Variants in TOP3B observed in about 807,000 individuals in gnomAD.
The protein encoded by TOP3B is DNA topoisomerase 3-beta-1.
TOP3B carries 45 observed loss-of-function variants against 93.9 expected under a neutral mutation model. The ratio of observed to expected loss-of-function variants is 0.48; its 90% CI spans 0.38 to 0.61. TOP3B has a LOEUF of 0.61. Among genes scored for constraint, TOP3B ranks in the 20% least tolerant of loss-of-function variants. The pLI, the probability that TOP3B is intolerant of heterozygous loss-of-function variation, is 0.00. For missense variants in TOP3B, 750 were observed against 1,156.1 expected, an observed-to-expected ratio of 0.65 and a Z score of 5.09; for synonymous variants, 357 against 472.6, an observed-to-expected ratio of 0.76 and a Z score of 3.17.
intron 14 of TOP3B, 68 bp from the exon 15 acceptor site, chr22:21,959,804 G>C: frequency 6.4e-7 from 1 of 1,570,474 alleles, no homozygotes; most frequent in African/African-American, 1.3e-5. Context: ...CCCCTTCCCA[G>C]GCAGGGATAC....
rs372970833 is a variant in TOP3B at position 21,959,599 on chromosome 22, C to T, written c.1792G>A (p.Asp598Asn). The change falls in exon 15 of 18, where the codon GAC becomes AAC. Residue 598 changes from aspartate (D) to asparagine (N), a missense_variant. This residue lies in a region of TOP3B where 737 missense variants were observed against 933.7 expected (regional missense o/e 0.79). Transcript: ENST00000357179. ...AGGCAGACTCTACCAGCAATGGAGT[C>T]GACAAAGTAGTGGAACTTCCTCTTG... Reference protein sequence around the residue: ...VFKRKFHYFVDSIAGMDELME... With the variant: ...VFKRKFHYFVNSIAGMDELME... 23 of 1,611,064 alleles carry T rather than the reference C, an allele frequency of 1.4e-5. No individual in the cohort carries two copies. Among genetic ancestry groups the T allele is most frequent in the Middle Eastern group, 3.3e-4 (2 of 6,068 alleles).
At chr22:21,972,167 A>G (rs752074650) in intron 4 of TOP3B, 13 of 551,688 alleles carry the variant, frequency 2.4e-5, no homozygotes, top group East Asian at 1.5e-4. Context: ...ACCAAAAAAA[A>G]AAGTATAAAT....
Position 21,970,131 on chromosome 22 carries a change from G to A in TOP3B, c.581+79C>T, listed in dbSNP as rs564813311. ...TGGCTCGAGGAGGCCTAGGGGCCCC[G>A]GAGGGGGACCAGTAGAGGCAGGTCT... On this transcript the variant is annotated intron_variant, in intron 6 of 17. Coordinates refer to ENST00000357179, the MANE Select transcript of TOP3B (RefSeq NM_001282112.2). The surrounding 1 kb of genome is among the most constrained non-coding windows in gnomAD (Gnocchi z 4.4). 2.7e-5 allele frequency: 42 copies of A among 1,542,916 alleles called. No individual in the cohort carries two copies. The highest frequency in any genetic ancestry group is 2.2e-4 in the African/African-American group (16 of 73,814).
intron 13 of TOP3B, 114 bp from the exon 14 acceptor site, chr22:21,960,563 G>A (rs75669351): frequency 6.3e-6 from 9 of 1,423,506 alleles, no homozygotes; most frequent in East Asian, 2.4e-5. Context: ...CACTGCTCCC[G>A]GTCACAGGAG....
Position 21,972,648 on chromosome 22 carries a change from T to C in TOP3B, c.273A>G (p.Glu91=). 1 of 1,611,844 alleles carries C rather than the reference T, an allele frequency of 6.2e-7. No individual in the cohort carries two copies. Among genetic ancestry groups the C allele is most frequent in the Non-Finnish European group, 8.5e-7 (1 of 1,179,398 alleles). The change falls in exon 4 of 18, where the codon GAA becomes GAG. Residue 91 remains glutamate, a synonymous_variant. Coordinates refer to ENST00000357179, the MANE Select transcript of TOP3B (RefSeq NM_001282112.2). ...LFSQAPTEKK[E]ANPKLNMVKF... ...TCACCATGTTCAGCTTGGGGTTAGC[T>C]TCTTTCTTCTCCGTGGGAGCTTGGC...
chr22:21,970,316 CTG>C lies in TOP3B; in HGVS notation c.473_474del (p.Thr158ArgfsTer4). 1 of 1,614,114 alleles carries C rather than the reference CTG, an allele frequency of 6.2e-7. No homozygotes were observed. Among genetic ancestry groups the C allele is most frequent in the Non-Finnish European group, 8.5e-7 (1 of 1,180,010 alleles). Reference protein sequence around the residue: ...FRARFSSITDTDICNAMACLG... With the variant: ...FRARFSSITDXDICNAMACLG... ...AGGCAGGCCATGGCATTACAGATGT[CTG>C]TGTCCGTGATGGAGCTAAACCTGGC... On this transcript the variant is annotated frameshift_variant, in exon 6 of 18. Coordinates refer to ENST00000357179, the MANE Select transcript of TOP3B (RefSeq NM_001282112.2). LOFTEE classifies it high-confidence loss of function. The surrounding 1 kb of genome is among the most constrained non-coding windows in gnomAD (Gnocchi z 4.4).
Position 21,963,800 on chromosome 22 carries a change from C to G in TOP3B, c.1204+123G>C, listed in dbSNP as rs1255445703. 3.0e-6 allele frequency: 3 copies of G among 1,014,654 alleles called. No individual in the cohort carries two copies. The highest frequency in any genetic ancestry group is 4.4e-6 in the Non-Finnish European group (3 of 685,026). 62.9% of individuals were successfully genotyped at this position (1,014,654 alleles called of 1,614,324 possible). A position where few individuals can be genotyped will look rare whatever the true frequency, so the allele number is the denominator to read the frequency against. On this transcript the variant is annotated intron_variant, in intron 11 of 17. Transcript: ENST00000357179. This position sits in a 1 kb window ranked among gnomAD's most constrained non-coding sequence, Gnocchi z 4.8. Reference sequence around the variant, plus strand: ...TCATCTTCCAGGTGGCCCCCCATCCCCACAGCCAGGGCAGGCAGAGGCTGA... The same window carrying G: ...TCATCTTCCAGGTGGCCCCCCATCCGCACAGCCAGGGCAGGCAGAGGCTGA...
At chr22:21,980,980 G>T (rs1303912932) in intron 1 of TOP3B, among the ~76,000 whole-genome samples, 1 of 152,220 alleles carries the variant, frequency 6.6e-6, no homozygotes, top group Non-Finnish European at 1.5e-5. Flanking sequence ...CAAAATCAGA[G>T]GCCCAGAAGT....
rs1457593205 is a variant in TOP3B at position 21,965,384 on chromosome 22, C to T, written c.853-9G>A. On this transcript the variant is annotated splice_polypyrimidine_tract_variant and intron_variant, in intron 8 of 17. Coordinates refer to ENST00000357179, the MANE Select transcript of TOP3B (RefSeq NM_001282112.2). ...CTGCTTGTGGCCTCCACCTGGAAGACAGGACAGTCAATGATTTGGGGAAGG... is the reference window on the plus strand; with the variant it reads ...CTGCTTGTGGCCTCCACCTGGAAGATAGGACAGTCAATGATTTGGGGAAGG... 5 of 1,589,200 alleles carry T rather than the reference C, an allele frequency of 3.1e-6. No homozygotes were observed. Among genetic ancestry groups the T allele is most frequent in the Non-Finnish European group, 3.4e-6 (4 of 1,165,560 alleles).
At position 21,970,214 on chromosome 22, in the gene TOP3B, T is replaced by G. The variant is rs773149733; in HGVS notation, c.577A>C (p.Thr193Pro). 1.9e-6 allele frequency: 3 copies of G among 1,610,610 alleles called. No homozygotes were observed. The change falls in exon 6 of 18, where the codon ACC (threonine) becomes CCC (proline). Residue 193 changes from threonine (T) to proline (P), a missense_variant. Coordinates refer to ENST00000357179, the MANE Select transcript of TOP3B (RefSeq NM_001282112.2). This position sits in a 1 kb window ranked among gnomAD's most constrained non-coding sequence, Gnocchi z 4.4. ...CTCTGCGGGTGTGGCCAGCACCTGG[T>G]GAATGCACAGCCGATTCGCAGGTCC... ...ELDLRIGCAF[T>P]RFQTKYFQGK...
Position 21,957,814 on chromosome 22 carries a change from G to A in TOP3B, c.2108-219C>T, listed in dbSNP as rs2070985261. ...ACCTCCTCAACTTTCAAGGCCCCTC[G>A]CTGGCACCATCCCAGTGGGTTTCAG... On this transcript the variant is annotated intron_variant, in intron 17 of 17. Coordinates refer to ENST00000357179, the MANE Select transcript of TOP3B (RefSeq NM_001282112.2). 54 of 1,532,608 alleles carry A rather than the reference G, an allele frequency of 3.5e-5. 1 individual carries two copies. Among genetic ancestry groups the A allele is most frequent in the South Asian group, 2.9e-4 (24 of 83,160 alleles). The allele number at this position is 1,532,608 out of a possible 1,614,324, so 94.9% of individuals were successfully genotyped here.
Position 21,970,850 on chromosome 22 carries a change from A to G in TOP3B, c.385-444T>C. On this transcript the variant is annotated intron_variant, in intron 5 of 17. Transcript: ENST00000357179. This position sits in a 1 kb window ranked among gnomAD's most constrained non-coding sequence, Gnocchi z 4.4. ...GTGGAAATTTTAAGAGGCTGAAGAAAAGACAGGGAAGGAAAAAAGAATGAA... is the reference window on the plus strand; with the variant it reads ...GTGGAAATTTTAAGAGGCTGAAGAAGAGACAGGGAAGGAAAAAAGAATGAA... 1 of 418,088 alleles carries G rather than the reference A, an allele frequency of 2.4e-6. No homozygotes were observed. 25.9% of individuals were successfully genotyped at this position (418,088 alleles called of 1,614,324 possible). A position where few individuals can be genotyped will look rare whatever the true frequency, so the allele number is the denominator to read the frequency against.
At position 21,970,944 on chromosome 22, in the gene TOP3B, C is replaced by A; in HGVS notation, c.385-538G>T. The A allele has an allele frequency of 3.4e-6, 4 of 1,169,818 alleles. No individual in the cohort carries two copies. Among genetic ancestry groups the A allele is most frequent in the Non-Finnish European group, 4.3e-6 (4 of 920,606 alleles). 72.5% of individuals were successfully genotyped at this position (1,169,818 alleles called of 1,614,324 possible). A position where few individuals can be genotyped will look rare whatever the true frequency, so the allele number is the denominator to read the frequency against. On this transcript the variant is annotated intron_variant, in intron 5 of 17. Transcript: ENST00000357179. The surrounding 1 kb of genome is among the most constrained non-coding windows in gnomAD (Gnocchi z 4.4). ...TAGCTTGTGGTGGGGGCAGCTCGGG[C>A]TAAAGCACAGCAGGGGTCCTGGAGC... is the stretch of plus-strand genomic sequence containing the variant.
intron 14 of TOP3B, 152 bp downstream of exon 14, chr22:21,960,169 G>T: frequency 8.4e-7 from 1 of 1,192,644 alleles, no homozygotes; most frequent in Non-Finnish European, 1.2e-6. Flanking sequence ...GGGTCCTGGG[G>T]CAGCACCCCT....
chr22:21,972,273 G>T, intron 4 of TOP3B: 1 of 450,974 alleles, frequency 2.2e-6, no homozygotes, highest in South Asian at 4.1e-5. Context: ...ATATGATTAT[G>T]CATAATTTTT....
chr22:21,975,525 C>T (rs1465384793), intron 2 of TOP3B, 115 bp downstream of exon 2: 2 of 1,229,646 alleles, frequency 1.6e-6, no homozygotes, highest in Non-Finnish European at 2.2e-6. Flanking sequence ...TTCATTACCA[C>T]CTGCCGACCC....
chr22:21,977,678 A>G (rs968048953), intron 1 of TOP3B: 3 of 152,224 alleles, frequency 2.0e-5, no homozygotes, highest in African/African-American at 7.2e-5. Flanking sequence ...GTCGTTGCAC[A>G]CACAGCAGAT....
chr22:21,975,635 C>T lies in TOP3B; in HGVS notation c.70+5G>A. On this transcript the variant is annotated splice_donor_5th_base_variant and intron_variant, in intron 2 of 17. Transcript: ENST00000357179. Reference sequence around the variant, plus strand: ...ACAGACCAAAGCAGGGCTGGTCTCTCCTACCTCTAGAGAGGATTTTGGCAA... The same window carrying T: ...ACAGACCAAAGCAGGGCTGGTCTCTTCTACCTCTAGAGAGGATTTTGGCAA... The T allele has an allele frequency of 6.2e-7, 1 of 1,609,846 alleles. No homozygotes were observed. Among genetic ancestry groups the T allele is most frequent in the Non-Finnish European group, 8.5e-7 (1 of 1,177,000 alleles).
rs2071071129 is a variant in TOP3B at position 21,959,450 on chromosome 22, G to C, written c.1804+137C>G. The C allele has an allele frequency of 5.3e-6, 8 of 1,506,700 alleles. No individual in the cohort carries two copies. In the South Asian group the frequency reaches 6.7e-5, roughly 13 times the overall value. The allele number at this position is 1,506,700 out of a possible 1,614,324, so 93.3% of individuals were successfully genotyped here. A position where few individuals can be genotyped will look rare whatever the true frequency, so the allele number is the denominator to read the frequency against. On this transcript the variant is annotated intron_variant, in intron 15 of 17. Coordinates refer to ENST00000357179, the MANE Select transcript of TOP3B (RefSeq NM_001282112.2). ...TGCTCTTTCAACCCAGCCAGGAGGT[G>C]TCACTGACCTGGCCTACGGAGGCCT...
Sources: gnomAD v4.1 joint callset for allele counts (sites outside exome capture counted in the v4.1 genomes callset) on GRCh38, gnomAD v4.1.1 for gene constraint, gnomAD v4.1.1 regional missense constraint, Gnocchi (gnomAD v3.1) non-coding constraint, MANE v1.5 for transcripts, NCBI Gene and HGNC (gene_info 2026-07-23, HGNC 2026-07-21) for gene names.